Variants in PTPRF observed in about 807,000 individuals in gnomAD.
PTPRF encodes protein tyrosine phosphatase receptor type F.
In PTPRF, 59 loss-of-function variants were observed where a neutral mutation model predicts 201.8. The ratio of observed to expected loss-of-function variants is 0.29; its 90% CI spans 0.24 to 0.36. PTPRF has a LOEUF of 0.36. PTPRF is among the 10% of genes least tolerant of loss of function. PTPRF has a pLI of 1.00. For missense variants in PTPRF, 2,132 were observed against 2,690.5 expected (o/e 0.79, Z 4.59); for synonymous variants, 1,088 against 1,089.7 (o/e 1.00, Z 0.03).
chr1:43,598,149 G>C, intron 12 of PTPRF, 96 bp downstream of exon 12: 3 of 1,261,840 alleles, frequency 2.4e-6, no homozygotes, highest in Admixed American at 3.2e-5. Flanking sequence ...ACAGGCCCAG[G>C]TCAACTCATC....
upstream of PTPRF, among the ~76,000 whole-genome samples, chr1:43,530,574 T>C (rs1394357733): frequency 1.3e-5 from 2 of 152,158 alleles, no homozygotes; most frequent in African/African-American, 4.8e-5. The surrounding 1 kb of genome is among the most constrained non-coding windows in gnomAD (Gnocchi z 4.1). Context: ...GGTTCAGATC[T>C]GTATGGGGAG....
chr1:43,575,780 C>A, intron 6 of PTPRF: 280 of 584,646 alleles, frequency 4.8e-4, no homozygotes, highest in Admixed American at 1.9e-3. Flanking sequence ...CTAACTCAGG[C>A]CTCAATTTCT....
chr1:43,617,389 A>G, intron 23 of PTPRF, 56 bp from the exon 24 acceptor site: 4 of 1,607,390 alleles, frequency 2.5e-6, no homozygotes, highest in Non-Finnish European at 3.4e-6. Context: ...CCTGCAGGAG[A>G]AGCAGGTCAA....
rs185189309 is a variant in PTPRF at position 43,605,239 on chromosome 1, A to G, written c.3185A>G (p.Lys1062Arg). 81 of 1,608,520 alleles carry G rather than the reference A, an allele frequency of 5.0e-5. No individual in the cohort carries two copies. The highest frequency in any genetic ancestry group is 6.8e-5 in the Non-Finnish European group (80 of 1,175,648). Residue 1062 changes from lysine (K) to arginine (R), a missense_variant, in exon 18 of 34, where the codon AAG becomes AGG. Around this residue, in one of 6 missense-constraint regions of PTPRF, gnomAD observed 818 missense variants for 915.3 expected, o/e 0.89. Transcript: ENST00000359947. ...SVEVDGHSMRKLIADLQPNTE... is the reference protein window; with the variant it reads ...SVEVDGHSMRRLIADLQPNTE... ...GAGGTGGACGGGCACTCGATGCGGA[A>G]GCTGATCGCAGACCTGCAGCCCAAC...
chr1:43,560,515 TGTGGGCAGCAGCAGGA>T (rs1318130310), intron 5 of PTPRF, among the ~76,000 whole-genome samples: 2 of 152,004 alleles, frequency 1.3e-5, no homozygotes, highest in Non-Finnish European at 2.9e-5. Flanking sequence ...TTACAACCTG[TGTGGGCAGCAGCAGGA>T]GTGGGCAGCA....
At chr1:43,562,880 T>C (rs1422437578) in intron 5 of PTPRF, among the ~76,000 whole-genome samples, 1 of 151,852 alleles carries the variant, frequency 6.6e-6, no homozygotes, top group Non-Finnish European at 1.5e-5. Flanking sequence ...AGCAGATCAC[T>C]AGAAGGTTAG....
At chr1:43,571,670 T>A (rs535119558) in intron 6 of PTPRF, among the ~76,000 whole-genome samples, 1 of 152,336 alleles carries the variant, frequency 6.6e-6, no homozygotes, top group Non-Finnish European at 1.5e-5. Flanking sequence ...CACCAGACAC[T>A]GCTTTCCCTG....
At position 43,622,451 on chromosome 1, in the gene PTPRF, T is replaced by G. The variant is rs376571493; in HGVS notation, c.*448T>G. 89 of 158,966 alleles carry G rather than the reference T, an allele frequency of 5.6e-4. No individual in the cohort carries two copies. Among genetic ancestry groups the G allele is most frequent in the Middle Eastern group, 3.2e-3 (1 of 312 alleles). 9.8% of individuals were successfully genotyped at this position (158,966 alleles called of 1,614,324 possible). On this transcript the variant is annotated 3_prime_UTR_variant, in exon 34 of 34. Coordinates refer to ENST00000359947, the MANE Select transcript of PTPRF (RefSeq NM_002840.5). ...GTTGGGGTTTATTTTGTTTTGTTTT[T>G]TTTTTTCTTGAGTTCACTTTGGATC...
chr1:43,589,530 G>A (rs1394613978), intron 8 of PTPRF, among the ~76,000 whole-genome samples: 3 of 152,006 alleles, frequency 2.0e-5, no homozygotes, highest in African/African-American at 7.3e-5. Flanking sequence ...CCTGGGGACA[G>A]GCACACATGT....
rs1654304574 is a variant in PTPRF, at chr1:43,603,536, G to A, written c.2458+3G>A. Reference sequence around the variant, plus strand: ...AATTGTCACTACAACAGGTGCAGGTGAGTGAGGGGTCAGGACGGACCTGAG... The same window carrying A: ...AATTGTCACTACAACAGGTGCAGGTAAGTGAGGGGTCAGGACGGACCTGAG... On this transcript the variant is annotated splice_donor_region_variant and intron_variant, in intron 15 of 33. Coordinates refer to ENST00000359947, the MANE Select transcript of PTPRF (RefSeq NM_002840.5). The surrounding 1 kb of genome is among the most constrained non-coding windows in gnomAD (Gnocchi z 5.8). 6.2e-7 allele frequency: 1 copy of A among 1,613,736 alleles called. No individual in the cohort carries two copies. The highest frequency in any genetic ancestry group is 1.3e-5 in the African/African-American group (1 of 74,918).
chr1:43,538,304 G>C (rs1297301251), intron 2 of PTPRF, 27 bp downstream of exon 2: 1 of 398,752 alleles, frequency 2.5e-6, no homozygotes, highest in Non-Finnish European at 4.4e-6. Flanking sequence ...GAGTGGCCAG[G>C]AGCAGGGGTG....
At chr1:43,555,719 C>G (rs1243472337) in intron 5 of PTPRF, among the ~76,000 whole-genome samples, 1 of 152,214 alleles carries the variant, frequency 6.6e-6, no homozygotes, top group Non-Finnish European at 1.5e-5. Flanking sequence ...GCTGGGATTA[C>G]AGGCGTGAGC....
rs770390307 is a variant in PTPRF at position 43,605,432 on chromosome 1, C to T, written c.3378C>T (p.Pro1126=). 1.2e-6 allele frequency: 2 copies of T among 1,609,142 alleles called. No homozygotes were observed. The highest frequency in any genetic ancestry group is 1.7e-6 in the Non-Finnish European group (2 of 1,176,000). ...FDLSMPHVQD[P]SLVRWFYIVV... ...TCTCCATGCCCCATGTGCAAGACCCCTCGCTTGTCAGGTGTGCACACGAGG... is the reference window on the plus strand; with the variant it reads ...TCTCCATGCCCCATGTGCAAGACCCTTCGCTTGTCAGGTGTGCACACGAGG... The change falls in exon 18 of 34, where the codon CCC becomes CCT. Residue 1126 remains proline, a synonymous_variant. Coordinates refer to ENST00000359947, the MANE Select transcript of PTPRF (RefSeq NM_002840.5).
intron 21 of PTPRF, among the ~76,000 whole-genome samples, chr1:43,607,312 C>T (rs1417988746): frequency 6.6e-6 from 1 of 152,240 alleles, no homozygotes; most frequent in Non-Finnish European, 1.5e-5. Flanking sequence ...ATCTCCTGAG[C>T]TCCTACCTCG....
chr1:43,564,338 A>G (rs1029449428), intron 5 of PTPRF, among the ~76,000 whole-genome samples: 7 of 152,212 alleles, frequency 4.6e-5, no homozygotes, highest in Non-Finnish European at 1.0e-4. Context: ...GAGCGGCTGA[A>G]GGGCAGGGGG....
At chr1:43,592,129 G>T (rs1243016489) in intron 10 of PTPRF, among the ~76,000 whole-genome samples, 181 bp downstream of exon 10, 1 of 151,006 alleles carries the variant, frequency 6.6e-6, no homozygotes, top group Non-Finnish European at 1.5e-5. Flanking sequence ...TATGAATCTG[G>T]AGTCATTGTC....
rs75328447 is a variant in PTPRF, at chr1:43,578,751, G to A, written c.569-59G>A. Reference sequence around the variant, plus strand: ...ACAGATGCTGTCGAGACCTCTCACCGTGTTCCAGGCCACACTCGACATGGG... The same window carrying A: ...ACAGATGCTGTCGAGACCTCTCACCATGTTCCAGGCCACACTCGACATGGG... On this transcript the variant is annotated intron_variant, in intron 6 of 33. Coordinates refer to ENST00000359947, the MANE Select transcript of PTPRF (RefSeq NM_002840.5). 6.2e-3 allele frequency: 8,153 copies of A among 1,309,058 alleles called. 61 individuals carry two copies. Among genetic ancestry groups the A allele is most frequent in the Non-Finnish European group, 6.3e-3 (5,804 of 918,162 alleles). 81.1% of individuals were successfully genotyped at this position (1,309,058 alleles called of 1,614,324 possible).
At chr1:43,614,449 T>C (rs1264474479) in intron 23 of PTPRF, among the ~76,000 whole-genome samples, 5 of 152,164 alleles carry the variant, frequency 3.3e-5, no homozygotes, top group Non-Finnish European at 1.5e-5. Flanking sequence ...GGGCTGAGCC[T>C]TCAAGAGTCT....
In PTPRF at chr1:43,532,538, T is replaced by C. The variant is rs74071937; in HGVS notation, c.-126+1448T>C. 462 of 168,330 alleles carry C rather than the reference T, an allele frequency of 2.7e-3. 3 individuals carry two copies. The highest frequency in any genetic ancestry group is 0.01 in the African/African-American group (442 of 42,398). 10.4% of individuals were successfully genotyped at this position (168,330 alleles called of 1,614,324 possible). A position where few individuals can be genotyped will look rare whatever the true frequency, so the allele number is the denominator to read the frequency against. ...CTGGGGTGAGAGGCGTAGAAAAGGA[T>C]GTGGGGTGGTGGTTCCAGGCGGGTG... On this transcript the variant is annotated intron_variant, in intron 1 of 33. Transcript: ENST00000359947.
Sources: allele counts gnomAD v4.1 joint callset (sites outside exome capture counted in the v4.1 genomes callset), GRCh38; gene constraint gnomAD v4.1.1; regional missense constraint gnomAD v4.1.1; non-coding constraint Gnocchi (gnomAD v3.1); transcripts MANE v1.5; gene names NCBI Gene and HGNC (gene_info 2026-07-23, HGNC 2026-07-21).